Variants in TMEM207 observed in about 807,000 individuals in gnomAD.
TMEM207 encodes the protein SRSR846.
In TMEM207, 15 loss-of-function variants were observed where a neutral mutation model predicts 17.4. The ratio of observed to expected loss-of-function variants is 0.86; its 90% CI spans 0.58 to 1.33. TMEM207 has a LOEUF of 1.33. Among genes scored for constraint, TMEM207 ranks in the 40% most tolerant of loss-of-function variants. TMEM207 has a pLI of 0.00. For missense variants in TMEM207, 205 were observed against 173.8 expected (o/e 1.18, Z -1.01); for synonymous variants, 70 against 65.6 (o/e 1.07, Z -0.33).
At chr3:190,440,107 C>T in intron 4 of TMEM207, 137 bp downstream of exon 4, 1 of 969,390 alleles carries the variant, frequency 1.0e-6, no homozygotes, top group Non-Finnish European at 1.5e-6. Context: ...AAACTCTCCT[C>T]AGTGCAGGCC....
intron 2 of TMEM207, among the ~76,000 whole-genome samples, chr3:190,443,067 T>C (rs1188509696): frequency 1.3e-5 from 2 of 152,004 alleles, no homozygotes; most frequent in Non-Finnish European, 2.9e-5. Context: ...TATTAAAAAA[T>C]TAAAACCTTA....
intron 4 of TMEM207, among the ~76,000 whole-genome samples, chr3:190,438,925 C>G (rs139223378): frequency 0.035 from 5,259 of 152,034 alleles, 209 homozygotes; most frequent in African/African-American, 0.096. Flanking sequence ...CGCGGTGGCT[C>G]ACGCCTGTAA....
intron 4 of TMEM207, among the ~76,000 whole-genome samples, chr3:190,430,731 A>G (rs1719673890): frequency 6.6e-6 from 1 of 152,088 alleles, no homozygotes; most frequent in Non-Finnish European, 1.5e-5. Flanking sequence ...ATACACTTAC[A>G]TATTGTCTAT....
chr3:190,439,941 C>G (rs925837861), intron 4 of TMEM207, among the ~76,000 whole-genome samples: 3 of 152,174 alleles, frequency 2.0e-5, no homozygotes, highest in Non-Finnish European at 2.9e-5. Flanking sequence ...CTAAACCCTA[C>G]CATTCACCTG....
In TMEM207 at chr3:190,432,865, G is replaced by A. The variant is rs562249837; in HGVS notation, c.305-3134C>T. On this transcript the variant is annotated intron_variant, in intron 4 of 4. Coordinates refer to ENST00000354905, the MANE Select transcript of TMEM207 (RefSeq NM_207316.3). ...AGAGAGATTGTATAGTTGAAGGGCA[G>A]CATTATCAAGCGATCAGCCCCAGGG... Among the ~76,000 whole-genome samples the A allele has an allele frequency of 2.0e-4, 30 of 152,294 alleles. 1 individual carries two copies. The South Asian group carries it at 6.2e-3, about 32-fold the overall frequency.
chr3:190,443,531 T>G (rs1420333499), intron 2 of TMEM207, among the ~76,000 whole-genome samples: 1 of 152,144 alleles, frequency 6.6e-6, no homozygotes, highest in Non-Finnish European at 1.5e-5. Context: ...TGAGATCATT[T>G]ATTGACCTTT....
At chr3:190,447,883 A>G (rs1215540204) in intron 1 of TMEM207, 56 bp from the exon 2 acceptor site, 1 of 1,527,910 alleles carries the variant, frequency 6.5e-7, no homozygotes, top group Non-Finnish European at 8.9e-7. Context: ...CTAATCCTTT[A>G]ATACAAGCAG....
chr3:190,438,289 G>GTT (rs568899556), intron 4 of TMEM207, among the ~76,000 whole-genome samples: 1 of 145,058 alleles, frequency 6.9e-6, no homozygotes, highest in Non-Finnish European at 1.5e-5. Flanking sequence ...AGGTTGTTTG[G>GTT]TTTTTTTTTC....
At chr3:190,446,780 A>AT (rs1450609736) in intron 2 of TMEM207, among the ~76,000 whole-genome samples, 3 of 152,200 alleles carry the variant, frequency 2.0e-5, no homozygotes, top group African/African-American at 7.2e-5. Flanking sequence ...GATCCTTTCC[A>AT]ATTCTGAACT....
intron 4 of TMEM207, among the ~76,000 whole-genome samples, chr3:190,433,521 T>A (rs1719734222): frequency 6.6e-6 from 1 of 152,252 alleles, no homozygotes; most frequent in Non-Finnish European, 1.5e-5. Context: ...ATTTATGAAC[T>A]GCTGAGCGAT....
At chr3:190,432,808 A>G (rs1041137900) in intron 4 of TMEM207, among the ~76,000 whole-genome samples, 1 of 152,140 alleles carries the variant, frequency 6.6e-6, no homozygotes, top group Non-Finnish European at 1.5e-5. Flanking sequence ...AAGAGGGAAG[A>G]TTATCCCTGA....
At chr3:190,440,453 T>C (rs774689028) in intron 3 of TMEM207, 64 bp from the exon 4 acceptor site, 4 of 1,480,108 alleles carry the variant, frequency 2.7e-6, no homozygotes, top group Non-Finnish European at 2.7e-6. Flanking sequence ...AGAGCTTCCA[T>C]CACTACCTAG....
chr3:190,439,437 T>C (rs1719881877), intron 4 of TMEM207, among the ~76,000 whole-genome samples: 1 of 152,198 alleles, frequency 6.6e-6, no homozygotes, highest in South Asian at 2.1e-4. Context: ...GCTTTAGCTA[T>C]TATCTCTGTT....
intron 2 of TMEM207, among the ~76,000 whole-genome samples, chr3:190,444,170 T>C (rs911404008): frequency 1.3e-5 from 2 of 152,212 alleles, no homozygotes; most frequent in African/African-American, 4.8e-5. Context: ...GCAGACACTC[T>C]TCTAAAACCA....
In TMEM207 at chr3:190,445,537, G is replaced by C. The variant is rs530804345; in HGVS notation, c.113+2253C>G. On this transcript the variant is annotated intron_variant, in intron 2 of 4. Transcript: ENST00000354905. The stretch of plus-strand genomic sequence containing the variant: ...AATAATAAAATAGACCAGTGTTGTT[G>C]TTATTTGAGACGGAGTCTCGCTCTG... Among the ~76,000 whole-genome samples, 36 of 152,318 alleles carry C rather than the reference G, an allele frequency of 2.4e-4. No homozygotes were observed. In the South Asian group the frequency reaches 7.5e-3, roughly 32 times the overall value.
rs146899912 is a variant in TMEM207, at chr3:190,440,757, T to C, written c.159-368A>G. On this transcript the variant is annotated intron_variant, in intron 3 of 4. Coordinates refer to ENST00000354905, the MANE Select transcript of TMEM207 (RefSeq NM_207316.3). The stretch of plus-strand genomic sequence containing the variant: ...AAGCAACTACACACACTTTAGATAT[T>C]GGGGATAGGAATTCAAAAGTAGGCA... Among the ~76,000 whole-genome samples the C allele has an allele frequency of 5.1e-3, 779 of 152,160 alleles. 9 individuals carry two copies. The highest frequency in any genetic ancestry group is 8.9e-3 in the Non-Finnish European group (604 of 67,994).
At chr3:190,433,940 C>T (rs903367745) in intron 4 of TMEM207, among the ~76,000 whole-genome samples, 1 of 152,160 alleles carries the variant, frequency 6.6e-6, no homozygotes, top group Non-Finnish European at 1.5e-5. Flanking sequence ...CTCTCTTCCT[C>T]CTGGCCCAGC....
intron 2 of TMEM207, among the ~76,000 whole-genome samples, chr3:190,447,344 A>G (rs745656839): frequency 4.6e-5 from 7 of 152,224 alleles, no homozygotes; most frequent in African/African-American, 1.2e-4. Flanking sequence ...CACATAATTC[A>G]TATCACAAGC....
At chr3:190,440,476 G>T in intron 3 of TMEM207, 87 bp from the exon 4 acceptor site, 34 of 1,225,142 alleles carry the variant, frequency 2.8e-5, no homozygotes, top group Non-Finnish European at 3.8e-5. Context: ...GTGGGGTGAA[G>T]ACTCAGCTAG....
Sources: allele counts gnomAD v4.1 joint callset (sites outside exome capture counted in the v4.1 genomes callset), GRCh38; gene constraint gnomAD v4.1.1; transcripts MANE v1.5; gene names NCBI Gene and HGNC (gene_info 2026-07-23, HGNC 2026-07-21).